MSRA: variants seen among roughly 807,000 people sequenced by gnomAD.
The protein encoded by MSRA is methionine sulfoxide reductase A, also known as mitochondrial peptide methionine sulfoxide reductase.
A neutral mutation model predicts 31.3 loss-of-function variants in MSRA; 54 were observed. The ratio of observed to expected loss-of-function variants is 1.73; its 90% confidence interval spans 1.39 to 2.17. The LOEUF is 2.17. MSRA is among the 30% of genes most tolerant of loss of function. The probability of loss-of-function intolerance (pLI) is 0.00; values close to 1 mark genes in which losing one functional copy is unlikely to be tolerated. For synonymous variants in MSRA, 169 were observed against 116.5 expected (o/e 1.45, Z -2.90); for missense variants, 507 against 300.9 (o/e 1.69, Z -5.07).
chr8:10,073,029 A>G (rs1797820105), intron 1 of MSRA, among the ~76,000 whole-genome samples: 1 of 152,162 alleles, frequency 6.6e-6, no homozygotes, highest in African/African-American at 2.4e-5. Context: ...AGATAACCCT[A>G]TCACCTGGAA....
intron 5 of MSRA, among the ~76,000 whole-genome samples, chr8:10,351,466 A>G (rs1045546339): frequency 5.3e-5 from 8 of 151,850 alleles, no homozygotes; most frequent in East Asian, 1.9e-4. Flanking sequence ...GTTGACCAGG[A>G]TGGTCTCGGT....
intron 2 of MSRA, among the ~76,000 whole-genome samples, chr8:10,208,897 A>T (rs542597634): frequency 5.9e-5 from 9 of 152,358 alleles, no homozygotes; most frequent in African/African-American, 2.2e-4. Context: ...TTTGAACTGG[A>T]AATTAGCCTC....
intron 1 of MSRA, among the ~76,000 whole-genome samples, chr8:10,065,887 T>A (rs898631056): frequency 9.9e-5 from 15 of 151,958 alleles, no homozygotes; most frequent in Non-Finnish European, 2.1e-4. Flanking sequence ...AAGAGTCAAC[T>A]CTTCTGCCTG....
intron 1 of MSRA, among the ~76,000 whole-genome samples, chr8:10,149,859 G>A (rs184180822): frequency 8.8e-4 from 3 of 3,414 alleles, no homozygotes; most frequent in African/African-American, 1.3e-3. Flanking sequence ...AGGGCACAGC[G>A]CTCTGAGCTC....
At chr8:10,226,695 G>C (rs922242952) in intron 2 of MSRA, among the ~76,000 whole-genome samples, 2 of 151,966 alleles carry the variant, frequency 1.3e-5, no homozygotes, top group African/African-American at 4.8e-5. Flanking sequence ...GCATATATGA[G>C]TATATATATA....
intron 5 of MSRA, among the ~76,000 whole-genome samples, chr8:10,374,047 C>G (rs530107551): frequency 3.3e-5 from 5 of 152,344 alleles, no homozygotes; most frequent in African/African-American, 1.2e-4. Context: ...CATGCAAACT[C>G]AGGAAACACC....
At chr8:10,284,809 T>C (rs1799847885) in intron 3 of MSRA, among the ~76,000 whole-genome samples, 1 of 152,094 alleles carries the variant, frequency 6.6e-6, no homozygotes, top group Non-Finnish European at 1.5e-5. Context: ...TGAAAATAGC[T>C]CTTATTGGCT....
chr8:10,175,754 G>A (rs1905630), intron 1 of MSRA, among the ~76,000 whole-genome samples: 3 of 151,990 alleles, frequency 2.0e-5, no homozygotes, highest in Admixed American at 6.5e-5. Context: ...TCATTGTCAC[G>A]GAGGACCAAA....
rs1802912024 is a variant in MSRA at position 10,143,852 on chromosome 8, T to G, written c.143-63981T>G. On this transcript the variant is annotated intron_variant, in intron 1 of 5. Coordinates refer to ENST00000317173, the MANE Select transcript of MSRA (RefSeq NM_012331.5). Reference sequence around the variant, plus strand: ...CCTCTAACTCTTCCTCAAACCTTATTCTTATTCTTGGAGCAGCCGACTTTT... The same window carrying G: ...CCTCTAACTCTTCCTCAAACCTTATGCTTATTCTTGGAGCAGCCGACTTTT... 2.0e-5 allele frequency among the ~76,000 whole-genome samples: 3 copies of G among 152,192 alleles called. No homozygotes were observed. The South Asian group carries it at 6.2e-4, about 31-fold the overall frequency.
intron 1 of MSRA, among the ~76,000 whole-genome samples, chr8:10,064,720 AT>A (rs1273905528): frequency 6.6e-6 from 1 of 152,158 alleles, no homozygotes; most frequent in African/African-American, 2.4e-5. Context: ...ATTTAAAAAA[AT>A]TAGTTTACCA....
At chr8:10,209,411 G>A (rs1359618934) in intron 2 of MSRA, among the ~76,000 whole-genome samples, 1 of 152,204 alleles carries the variant, frequency 6.6e-6, no homozygotes, top group East Asian at 1.9e-4. Context: ...TGATATTGAA[G>A]TAAAACTTCT....
At chr8:10,258,501 A>G (rs1237404819) in intron 3 of MSRA, among the ~76,000 whole-genome samples, 5 of 152,152 alleles carry the variant, frequency 3.3e-5, no homozygotes, top group East Asian at 3.9e-4. Context: ...CTTGCTCTCA[A>G]TAGGCTCCTG....
intron 5 of MSRA, among the ~76,000 whole-genome samples, chr8:10,358,843 C>T (rs950260758): frequency 5.3e-5 from 8 of 151,544 alleles, no homozygotes; most frequent in East Asian, 1.9e-4. Context: ...CCGCCCGCCT[C>T]GGCCTCCCAA....
intron 5 of MSRA, among the ~76,000 whole-genome samples, chr8:10,333,040 G>A (rs1802796919): frequency 6.6e-6 from 1 of 152,008 alleles, no homozygotes; most frequent in Non-Finnish European, 1.5e-5. Flanking sequence ...TCTACCTACT[G>A]CCCAGGTTGA....
chr8:10,325,104 G>C (rs1479004607), intron 5 of MSRA, among the ~76,000 whole-genome samples: 2 of 152,158 alleles, frequency 1.3e-5, no homozygotes, highest in Admixed American at 6.5e-5. Context: ...TGATGCATTA[G>C]TGTCCTCTGG....
intron 5 of MSRA, among the ~76,000 whole-genome samples, chr8:10,417,814 C>T (rs556578680): frequency 5.1e-4 from 55 of 107,760 alleles, no homozygotes; most frequent in Non-Finnish European, 9.7e-4. Flanking sequence ...GCAGGACAAG[C>T]ATAGCATGGA....
At chr8:10,169,921 T>C (rs1343956813) in intron 1 of MSRA, among the ~76,000 whole-genome samples, 2 of 150,200 alleles carry the variant, frequency 1.3e-5, no homozygotes, top group Non-Finnish European at 3.0e-5. Flanking sequence ...TTCTTTCTTT[T>C]TTTTTTTTTT....
intron 1 of MSRA, among the ~76,000 whole-genome samples, chr8:10,157,230 G>A (rs1006296140): frequency 2.0e-5 from 3 of 152,006 alleles, no homozygotes; most frequent in African/African-American, 4.8e-5. Flanking sequence ...TAAAGATCTC[G>A]TTAACACTCC....
At chr8:10,418,838 A>AAAAAAC (rs1563459639) in intron 5 of MSRA, among the ~76,000 whole-genome samples, 9 of 69,414 alleles carry the variant, frequency 1.3e-4, no homozygotes, top group African/African-American at 4.0e-4. Flanking sequence ...AAAAAAAAAA[A>AAAAAAC]CCAACAAAAA....
Sources: gnomAD v4.1 joint callset for allele counts (sites outside exome capture counted in the v4.1 genomes callset) on GRCh38, gnomAD v4.1.1 for gene constraint, MANE v1.5 for transcripts, NCBI Gene and HGNC (gene_info 2026-07-23, HGNC 2026-07-21) for gene names.